PDE9A: variants seen among roughly 807,000 people sequenced by gnomAD.
The protein encoded by PDE9A is high affinity cGMP-specific 3',5'-cyclic phosphodiesterase 9A.
PDE9A carries 60 observed loss-of-function variants against 87.4 expected under a neutral mutation model. The ratio of observed to expected loss-of-function variants is 0.69; its 90% CI spans 0.56 to 0.85. The LOEUF (loss-of-function observed/expected upper bound fraction) is 0.85. Among genes scored for constraint, PDE9A ranks in the 40% least tolerant of loss-of-function variants. The pLI, the probability that PDE9A is intolerant of heterozygous loss-of-function variation, is 0.00. For synonymous variants in PDE9A, 272 were observed against 279.4 expected, an observed-to-expected ratio of 0.97 and a Z score of 0.27; for missense variants, 665 against 779.0, an observed-to-expected ratio of 0.85 and a Z score of 1.74.
rs1240564394 is a variant in PDE9A at position 42,670,536 on chromosome 21, ACT to A, written c.70-15654_70-15653del. Among the ~76,000 whole-genome samples, 4 of 151,482 alleles carry A rather than the reference ACT, an allele frequency of 2.6e-5. No individual in the cohort carries two copies. In the East Asian group the frequency reaches 5.8e-4, roughly 22 times the overall value. The stretch of plus-strand genomic sequence containing the variant: ...CACACACAGGCAATCACACATTCAC[ACT>A]CACGTACACTTACCCACACATTCAC... On this transcript the variant is annotated intron_variant, in intron 1 of 19. Coordinates refer to ENST00000291539, the MANE Select transcript of PDE9A (RefSeq NM_002606.3).
chr21:42,758,840 C>T (rs561409024), intron 10 of PDE9A, 159 bp from the exon 11 acceptor site: 68 of 592,328 alleles, frequency 1.1e-4, no homozygotes, highest in African/African-American at 9.1e-4. Flanking sequence ...CCATGTCTGC[C>T]GACCAGGCTT....
intron 1 of PDE9A, among the ~76,000 whole-genome samples, chr21:42,658,410 A>G (rs77028178): frequency 0.065 from 9,959 of 152,160 alleles, 578 homozygotes; most frequent in East Asian, 0.29. Context: ...TGTTTCCCCC[A>G]GCTCCTCAGG....
chr21:42,726,591 G>A (rs1569206919), intron 4 of PDE9A, among the ~76,000 whole-genome samples: 1 of 71,024 alleles, frequency 1.4e-5, no homozygotes, highest in Non-Finnish European at 2.5e-5. Flanking sequence ...ACCACGCCTG[G>A]CCATATATAT....
chr21:42,742,205 C>T (rs1792694788), intron 7 of PDE9A, among the ~76,000 whole-genome samples: 1 of 152,118 alleles, frequency 6.6e-6, no homozygotes, highest in African/African-American at 2.4e-5. Flanking sequence ...TGTAACTGCC[C>T]AAGGGGTTCA....
chr21:42,737,520 C>T (rs2052584331), intron 7 of PDE9A, among the ~76,000 whole-genome samples: 2 of 152,158 alleles, frequency 1.3e-5, no homozygotes, highest in African/African-American at 4.8e-5. Context: ...AGAGAAGTGG[C>T]GTGATCTTGG....
At chr21:42,688,547 G>A (rs1424684885) in intron 3 of PDE9A, among the ~76,000 whole-genome samples, 4 of 152,162 alleles carry the variant, frequency 2.6e-5, no homozygotes, top group African/African-American at 4.8e-5. Context: ...GGAAGGACGC[G>A]GAGCAGGGGC....
intron 3 of PDE9A, among the ~76,000 whole-genome samples, chr21:42,698,503 A>G (rs736398): frequency 0.67 from 101,635 of 151,244 alleles, 34,873 homozygotes; most frequent in East Asian, 0.94. Flanking sequence ...TGATGGGGGG[A>G]GGGGGGTTGA....
In PDE9A at chr21:42,775,433, A is replaced by G. The variant is rs2057415851; in HGVS notation, c.*140A>G. The G allele has an allele frequency of 1.6e-6, 1 of 622,138 alleles. No individual in the cohort carries two copies. The highest frequency in any genetic ancestry group is 1.9e-5 in the African/African-American group (1 of 52,736). The allele number at this position is 622,138 out of a possible 1,614,324, so 38.5% of individuals were successfully genotyped here. A position where few individuals can be genotyped will look rare whatever the true frequency, so the allele number is the denominator to read the frequency against. On this transcript the variant is annotated 3_prime_UTR_variant, in exon 20 of 20. Transcript: ENST00000291539. ...ACCATTTTGTTCACTGATACAAAAA[A>G]AAAAAAAGGAATTCATGATGCTGTA...
chr21:42,750,679 G>A (rs1264627242), intron 8 of PDE9A, among the ~76,000 whole-genome samples: 3 of 152,002 alleles, frequency 2.0e-5, no homozygotes, highest in Non-Finnish European at 4.4e-5. Context: ...GGGTTCAAGC[G>A]ATTCTCCTGC....
chr21:42,662,829 A>ATG (rs2057655358), intron 1 of PDE9A, among the ~76,000 whole-genome samples: 1 of 136,658 alleles, frequency 7.3e-6, no homozygotes. Flanking sequence ...ACACACGCAC[A>ATG]CACCCACCAC....
In PDE9A at chr21:42,696,823, A is replaced by G. The variant is rs1035330811; in HGVS notation, c.219-2145A>G. Among the ~76,000 whole-genome samples the G allele has an allele frequency of 1.3e-5, 2 of 152,166 alleles. No homozygotes were observed. The highest frequency in any genetic ancestry group is 4.8e-5 in the African/African-American group (2 of 41,450). The stretch of plus-strand genomic sequence containing the variant: ...ACAGCTGGGCACTGTGGACTTGCCC[A>G]GCTGAGCACAGGCATCAGGGGCTAG... On this transcript the variant is annotated intron_variant, in intron 3 of 19. Transcript: ENST00000291539. The surrounding 1 kb of genome is among the most constrained non-coding windows in gnomAD (Gnocchi z 5.1).
At chr21:42,697,866 C>A (rs2060227330) in intron 3 of PDE9A, among the ~76,000 whole-genome samples, 1 of 152,072 alleles carries the variant, frequency 6.6e-6, no homozygotes, top group African/African-American at 2.4e-5. Context: ...GGTGGGGGTG[C>A]CTCAACATTC....
chr21:42,664,413 G>A (rs1161184341), intron 1 of PDE9A, among the ~76,000 whole-genome samples: 1 of 152,216 alleles, frequency 6.6e-6, no homozygotes, highest in African/African-American at 2.4e-5. Context: ...CAGATCCAGG[G>A]AGACAGTTGC....
intron 19 of PDE9A, among the ~76,000 whole-genome samples, chr21:42,773,053 G>T (rs1226402334): frequency 6.6e-6 from 1 of 150,736 alleles, no homozygotes; most frequent in Non-Finnish European, 1.5e-5. Flanking sequence ...TTGAGGTCAG[G>T]AGTTCAAGAC....
intron 3 of PDE9A, among the ~76,000 whole-genome samples, chr21:42,698,046 G>A (rs536431418): frequency 6.6e-6 from 1 of 152,234 alleles, no homozygotes; most frequent in Non-Finnish European, 1.5e-5. Context: ...GAATGAGCAA[G>A]TCAAAGACAT....
At chr21:42,774,726 A>G (rs2057349495) in intron 19 of PDE9A, among the ~76,000 whole-genome samples, 1 of 151,736 alleles carries the variant, frequency 6.6e-6, no homozygotes, top group Non-Finnish European at 1.5e-5. Context: ...TACTAAAAAC[A>G]CAAAAATTAG....
chr21:42,715,014 T>A (rs917628900), intron 4 of PDE9A, among the ~76,000 whole-genome samples: 2 of 152,234 alleles, frequency 1.3e-5, no homozygotes. Context: ...ACCACGTTGC[T>A]ATTTGCTGTT....
intron 1 of PDE9A, among the ~76,000 whole-genome samples, chr21:42,670,804 CACAT>C (rs1380856738): frequency 2.0e-5 from 3 of 152,144 alleles, no homozygotes; most frequent in South Asian, 2.1e-4. Flanking sequence ...CATTCACTCA[CACAT>C]ACATTCACAC....
At chr21:42,761,629 G>A (rs910531938) in intron 13 of PDE9A, among the ~76,000 whole-genome samples, 14 of 152,150 alleles carry the variant, frequency 9.2e-5, no homozygotes, top group African/African-American at 3.4e-4. Context: ...GGCTGTCAGC[G>A]CTCCTCCCGG....
Sources: allele counts gnomAD v4.1 joint callset (sites outside exome capture counted in the v4.1 genomes callset), GRCh38; gene constraint gnomAD v4.1.1; non-coding constraint Gnocchi (gnomAD v3.1); transcripts MANE v1.5; gene names NCBI Gene and HGNC (gene_info 2026-07-23, HGNC 2026-07-21).